KPNA6: variants seen among roughly 807,000 people sequenced by gnomAD.
The protein encoded by KPNA6 is karyopherin subunit alpha 6.
Under a neutral mutation model 72.0 loss-of-function variants are expected in KPNA6, and 9 were observed. That is an observed-to-expected ratio of 0.13 (90% CI 0.08 to 0.22). The LOEUF (loss-of-function observed/expected upper bound fraction) is 0.22. Among genes scored for constraint, KPNA6 ranks in the 10% least tolerant of loss-of-function variants. The pLI is 1.00. For missense variants in KPNA6, 374 were observed against 655.7 expected (o/e 0.57, Z 4.69); for synonymous variants, 219 against 242.1 (o/e 0.90, Z 0.89).
intron 1 of KPNA6, among the ~76,000 whole-genome samples, chr1:32,148,919 G>T (rs1003625488): frequency 2.6e-5 from 4 of 151,806 alleles, no homozygotes; most frequent in Admixed American, 6.6e-5. Flanking sequence ...GTCTCAAACT[G>T]TGGGCTCAAG....
intron 1 of KPNA6, among the ~76,000 whole-genome samples, chr1:32,148,143 C>T (rs1641963909): frequency 6.6e-6 from 1 of 152,026 alleles, no homozygotes; most frequent in Non-Finnish European, 1.5e-5. Context: ...CTCACTCTAT[C>T]ACCCAGGCTG....
intron 1 of KPNA6, among the ~76,000 whole-genome samples, chr1:32,147,661 T>C (rs1244629783): frequency 1.6e-4 from 22 of 137,006 alleles, no homozygotes; most frequent in South Asian, 7.5e-4. Flanking sequence ...TTTTTTTTTT[T>C]TTTTTTTTTT....
chr1:32,110,056 ATTTTTTTT>A lies in KPNA6; in HGVS notation c.4+1938_4+1945del, dbSNP rs750004100. On this transcript the variant is annotated intron_variant, in intron 1 of 13. Transcript: ENST00000373625. ...AAGCAAAATGAGAATCTGGAATTGA[ATTTTTTTT>A]TTTTTTTTTTTTTTTCTGAGAAGAA... 3.1e-3 allele frequency among the ~76,000 whole-genome samples: 362 copies of A among 118,318 alleles called. 3 individuals are homozygous for A. Among genetic ancestry groups the A allele is most frequent in the African/African-American group, 0.011 (345 of 30,746 alleles). The allele number at this position is 118,318 out of a possible 152,430, so 77.6% of individuals were successfully genotyped here. A position where few individuals can be genotyped will look rare whatever the true frequency, so the allele number is the denominator to read the frequency against.
At chr1:32,161,706 A>G (rs571559473) in intron 7 of KPNA6, among the ~76,000 whole-genome samples, 2 of 152,330 alleles carry the variant, frequency 1.3e-5, no homozygotes, top group Admixed American at 1.3e-4. Flanking sequence ...CTCCAGATCT[A>G]GCCCTCTGTT....
intron 1 of KPNA6, among the ~76,000 whole-genome samples, chr1:32,148,597 G>A (rs1366596193): frequency 1.5e-5 from 2 of 136,204 alleles, no homozygotes; most frequent in East Asian, 2.1e-4. Flanking sequence ...AAGGAGTCTC[G>A]CTTTGTCACC....
chr1:32,115,135 C>T (rs1015485105), intron 1 of KPNA6, among the ~76,000 whole-genome samples: 2 of 151,812 alleles, frequency 1.3e-5, no homozygotes, highest in Admixed American at 6.6e-5. Flanking sequence ...CCACCACACC[C>T]GGCTTCACTT....
chr1:32,169,840 G>A (rs754820960), intron 12 of KPNA6, 42 bp from the exon 13 acceptor site: 2 of 1,581,698 alleles, frequency 1.3e-6, no homozygotes, highest in East Asian at 2.2e-5. Flanking sequence ...CACTTCATGT[G>A]TCCTGTACTA....
At chr1:32,137,268 C>T (rs762245204) in intron 1 of KPNA6, among the ~76,000 whole-genome samples, 32 of 152,100 alleles carry the variant, frequency 2.1e-4, no homozygotes, top group African/African-American at 3.4e-4. Context: ...TCTCAAGCTC[C>T]GTTCAAGCAA....
rs1641173864 is a variant in KPNA6 at position 32,108,067 on chromosome 1, T to A, written c.-64T>A. The A allele has an allele frequency of 6.2e-7, 1 of 1,613,108 alleles. No homozygotes were observed. Among genetic ancestry groups the A allele is most frequent in the Admixed American group, 1.7e-5 (1 of 59,994 alleles). On this transcript the variant is annotated 5_prime_UTR_variant, in exon 1 of 14. Transcript: ENST00000373625. ...CCTACAGATCCGCCATATTGTCTAC[T>A]GAAAGCTGCCGCTGAAGCTGCCGCC...
At chr1:32,126,073 A>T (rs941196460) in intron 1 of KPNA6, among the ~76,000 whole-genome samples, 1 of 144,678 alleles carries the variant, frequency 6.9e-6, no homozygotes, top group Non-Finnish European at 1.5e-5. Context: ...GTTTGTAGAG[A>T]TTGGGTCTTG....
rs148042498 is a variant in KPNA6, at chr1:32,109,542, A to G, written c.4+1408A>G. On this transcript the variant is annotated intron_variant, in intron 1 of 13. Transcript: ENST00000373625. ...TGGTTGGGCAGGGAGAAAAGGGGAA[A>G]AAAGCTTTTAACCCTAGGCAAAGTT... is the stretch of plus-strand genomic sequence containing the variant. Among the ~76,000 whole-genome samples, 15 of 151,956 alleles carry G rather than the reference A, an allele frequency of 9.9e-5. No individual in the cohort carries two copies. In the East Asian group the frequency reaches 2.9e-3, roughly 29 times the overall value.
chr1:32,166,154 G>C lies in KPNA6; in HGVS notation c.1040G>C (p.Ser347Thr). Residue 347 changes from serine (S) to threonine (T), a missense_variant, in exon 11 of 14, where the codon AGT becomes ACT. Physicochemically the swap from Ser to Thr is moderately conservative, Grantham distance 58 (BLOSUM62 1). Coordinates refer to ENST00000373625, the MANE Select transcript of KPNA6 (RefSeq NM_012316.5). ...CCTTGCCTTCTCCACTTGTTGAGCA[G>C]TCCCAAGGAGTCAATCCGGAAGGAA... ...ALPCLLHLLS[S>T]PKESIRKEAC... 2 of 1,614,066 alleles carry C rather than the reference G, an allele frequency of 1.2e-6. No homozygotes were observed. The highest frequency in any genetic ancestry group is 1.7e-6 in the Non-Finnish European group (2 of 1,179,978).
chr1:32,169,293 C>T (rs1460463841), intron 12 of KPNA6, among the ~76,000 whole-genome samples: 2 of 151,464 alleles, frequency 1.3e-5, no homozygotes, highest in Non-Finnish European at 2.9e-5. Flanking sequence ...ATCACTTGAG[C>T]CCAGGAGGCT....
intron 7 of KPNA6, 118 bp from the exon 8 acceptor site, chr1:32,161,829 A>G: frequency 1.4e-6 from 1 of 720,800 alleles, no homozygotes. Context: ...GTCTGTGAGT[A>G]GGAAGAAACA....
Position 32,152,478 on chromosome 1 carries a change from A to G in KPNA6, c.5-2110A>G, listed in dbSNP as rs557356917. Among the ~76,000 whole-genome samples the G allele has an allele frequency of 4.5e-4, 68 of 152,368 alleles. No individual in the cohort carries two copies. In the South Asian group the frequency reaches 7.0e-3, roughly 16 times the overall value. On this transcript the variant is annotated intron_variant, in intron 1 of 13. Coordinates refer to ENST00000373625, the MANE Select transcript of KPNA6 (RefSeq NM_012316.5). Reference sequence around the variant, plus strand: ...TAAATTGAATAAATCAAAAGTAATTAGATATTTAGGACTGAATTACAATAC... The same window carrying G: ...TAAATTGAATAAATCAAAAGTAATTGGATATTTAGGACTGAATTACAATAC...
At chr1:32,158,174 C>T (rs1642176610) in intron 4 of KPNA6, 93 bp from the exon 5 acceptor site, 1 of 755,244 alleles carries the variant, frequency 1.3e-6, no homozygotes, top group Non-Finnish European at 2.3e-6. Flanking sequence ...TAAGGGTGGT[C>T]AGAAGTGTCT....
chr1:32,115,196 C>T (rs961300334), intron 1 of KPNA6, among the ~76,000 whole-genome samples: 2 of 151,732 alleles, frequency 1.3e-5, no homozygotes, highest in African/African-American at 4.8e-5. Flanking sequence ...AATGCAGTGG[C>T]GCGACCTCAG....
At position 32,169,148 on chromosome 1, in the gene KPNA6, G is replaced by A. The variant is rs928899545; in HGVS notation, c.1245-734G>A. Among the ~76,000 whole-genome samples, 3 of 152,064 alleles carry A rather than the reference G, an allele frequency of 2.0e-5. No homozygotes were observed. The East Asian group carries it at 5.8e-4, about 30-fold the overall frequency. ...TTGGGGAGGTCAAGGTGGGAGGATC[G>A]CTTGAGACCAGGAATTTGAGACCAG... On this transcript the variant is annotated intron_variant, in intron 12 of 13. Coordinates refer to ENST00000373625, the MANE Select transcript of KPNA6 (RefSeq NM_012316.5).
chr1:32,122,729 G>A (rs973005843), intron 1 of KPNA6, among the ~76,000 whole-genome samples: 10 of 152,128 alleles, frequency 6.6e-5, no homozygotes, highest in African/African-American at 2.2e-4. Context: ...GCCGAGGCAG[G>A]CAAATCACCT....
Sources: allele counts gnomAD v4.1 joint callset (sites outside exome capture counted in the v4.1 genomes callset), GRCh38; gene constraint gnomAD v4.1.1; transcripts MANE v1.5; gene names NCBI Gene and HGNC (gene_info 2026-07-23, HGNC 2026-07-21).